Variants in COL10A1 observed in about 807,000 individuals in gnomAD.
COL10A1 encodes the protein collagen type X alpha 1 chain.
A neutral mutation model predicts 18.2 loss-of-function variants in COL10A1; 10 were observed. The observed-to-expected ratio is 0.55, with a 90% CI of 0.34 to 0.93. The LOEUF (loss-of-function observed/expected upper bound fraction) is 0.93, where lower values mean the gene tolerates loss of function less well. Ranked by LOEUF, COL10A1 falls within the 40% of genes least tolerant of loss-of-function variation. COL10A1 has a pLI of 0.02. For missense variants in COL10A1, 897 were observed against 853.5 expected (o/e 1.05, Z -0.64); for synonymous variants, 330 against 316.6 (o/e 1.04, Z -0.45).
At chr6:116,123,641 T>C (rs747059926) in intron 2 of COL10A1, among the ~76,000 whole-genome samples, 4 of 152,252 alleles carry the variant, frequency 2.6e-5, no homozygotes, top group Non-Finnish European at 5.9e-5. Context: ...TTCAACTTAA[T>C]GTCTTACTTG....
At chr6:116,152,684 C>T (rs986083777) in intron 1 of COL10A1, among the ~76,000 whole-genome samples, 3 of 152,064 alleles carry the variant, frequency 2.0e-5, no homozygotes, top group Admixed American at 6.6e-5. Context: ...CCTACTGTAT[C>T]TTCTCTTCTT....
the COL10A1 span, among the ~76,000 whole-genome samples, chr6:116,216,392 TA>T: frequency 1.3e-4 from 20 of 148,340 alleles, no homozygotes; most frequent in Admixed American, 3.4e-4. Context: ...TGGGAAGCTT[TA>T]AAAAAAAAAA....
chr6:116,141,555 G>T lies in COL10A1; in HGVS notation c.-15-16048C>A, dbSNP rs758974278. Among the ~76,000 whole-genome samples, 104 of 151,966 alleles carry T rather than the reference G, an allele frequency of 6.8e-4. 1 individual carries two copies. The highest frequency in any genetic ancestry group is 7.5e-4 in the Non-Finnish European group (51 of 67,950). ...TGGCACCCTTGTGAATGATGGTAGAGAATGTTTCATTAATTTTTTTTGATG... is the reference window on the plus strand; with the variant it reads ...TGGCACCCTTGTGAATGATGGTAGATAATGTTTCATTAATTTTTTTTGATG... On this transcript the variant is annotated intron_variant, in intron 1 of 1. Coordinates refer to the COL10A1 transcript ENST00000418500.
upstream of COL10A1, among the ~76,000 whole-genome samples, chr6:116,128,233 T>G (rs1779374058): frequency 6.6e-6 from 1 of 152,182 alleles, no homozygotes; most frequent in South Asian, 2.1e-4. Flanking sequence ...TTGCAAATAG[T>G]GTACTTATTT....
At chr6:116,190,078 A>G in the COL10A1 span, among the ~76,000 whole-genome samples, 1 of 151,888 alleles carries the variant, frequency 6.6e-6, no homozygotes, top group East Asian at 1.9e-4. Context: ...TTTCAGCTTT[A>G]TGGGAATAGC....
upstream of COL10A1, among the ~76,000 whole-genome samples, chr6:116,130,131 A>G (rs1414794125): frequency 1.3e-5 from 2 of 152,134 alleles, no homozygotes; most frequent in Non-Finnish European, 1.5e-5. Context: ...TTTATTAGCT[A>G]GGATATTCTC....
At chr6:116,134,847 G>A (rs1779550630) in intron 1 of COL10A1, among the ~76,000 whole-genome samples, 1 of 152,144 alleles carries the variant, frequency 6.6e-6, no homozygotes, top group South Asian at 2.1e-4. Flanking sequence ...AAGTAGGCAT[G>A]GTAGGAGGAT....
chr6:116,196,091 G>A, the COL10A1 span, among the ~76,000 whole-genome samples: 1 of 151,966 alleles, frequency 6.6e-6, no homozygotes. Context: ...CTGACATTCT[G>A]TTATTTCCTG....
chr6:116,182,169 C>G, the COL10A1 span, among the ~76,000 whole-genome samples: 1 of 151,284 alleles, frequency 6.6e-6, no homozygotes, highest in Non-Finnish European at 1.5e-5. Flanking sequence ...ATCCAGGTTG[C>G]TACAAATGCC....
chr6:116,164,562 G>T, the COL10A1 span, among the ~76,000 whole-genome samples: 1 of 152,134 alleles, frequency 6.6e-6, no homozygotes, highest in Non-Finnish European at 1.5e-5. Context: ...TCTCTTTCAA[G>T]TATTTATGTT....
chr6:116,165,091 C>T, the COL10A1 span, among the ~76,000 whole-genome samples: 5 of 85,154 alleles, frequency 5.9e-5, no homozygotes, highest in African/African-American at 1.4e-4. Flanking sequence ...AGCGAGACTC[C>T]GTCTCAGAAA....
At chr6:116,182,222 A>AGTGTGTGTGTGTGTGTGTGTGTGT in the COL10A1 span, among the ~76,000 whole-genome samples, 1 of 124,606 alleles carries the variant, frequency 8.0e-6, no homozygotes, top group African/African-American at 2.9e-5. Flanking sequence ...TTCCATGGAG[A>AGTGTGTGTGTGTGTGTGTGTGTGT]GTGTGTGTGT....
intron 1 of COL10A1, among the ~76,000 whole-genome samples, chr6:116,143,842 A>G (rs1213633303): frequency 6.6e-6 from 1 of 152,180 alleles, no homozygotes; most frequent in Non-Finnish European, 1.5e-5. Context: ...TTATTGCAAC[A>G]TTGTCAAGTT....
chr6:116,136,704 A>T (rs1233887480), intron 1 of COL10A1, among the ~76,000 whole-genome samples: 1 of 152,234 alleles, frequency 6.6e-6, no homozygotes, highest in African/African-American at 2.4e-5. Context: ...ATAAAAATCC[A>T]TATGCTGTTA....
chr6:116,185,479 T>C, the COL10A1 span, among the ~76,000 whole-genome samples: 4 of 152,196 alleles, frequency 2.6e-5, no homozygotes, highest in South Asian at 8.3e-4. Flanking sequence ...CCCCCACTAT[T>C]ATTGTGTTGC....
At chr6:116,140,281 C>G (rs540297294) in intron 1 of COL10A1, among the ~76,000 whole-genome samples, 3 of 152,136 alleles carry the variant, frequency 2.0e-5, no homozygotes, top group African/African-American at 7.2e-5. Flanking sequence ...AGCTGAAATG[C>G]CGTGGTAGCA....
chr6:116,213,857 A>C, the COL10A1 span, among the ~76,000 whole-genome samples: 40 of 152,118 alleles, frequency 2.6e-4, no homozygotes, highest in African/African-American at 9.4e-4. Context: ...GGGAATTCTT[A>C]TTGGGGATTT....
the COL10A1 span, among the ~76,000 whole-genome samples, chr6:116,174,997 G>A: frequency 1.3e-5 from 2 of 152,104 alleles, no homozygotes; most frequent in Admixed American, 1.3e-4. Context: ...ATAATCATTA[G>A]TAAGGGATAT....
the COL10A1 span, among the ~76,000 whole-genome samples, chr6:116,183,318 G>C: frequency 1.3e-5 from 2 of 152,010 alleles, no homozygotes; most frequent in Non-Finnish European, 2.9e-5. Flanking sequence ...GATGCCTCCA[G>C]ATTTGTTCTT....
Sources: allele counts gnomAD v4.1 joint callset (sites outside exome capture counted in the v4.1 genomes callset), GRCh38; gene constraint gnomAD v4.1.1; transcripts MANE v1.5; gene names NCBI Gene and HGNC (gene_info 2026-07-23, HGNC 2026-07-21).